AMD1: variants seen among roughly 807,000 people sequenced by gnomAD.
AMD1 encodes S-adenosylmethionine decarboxylase proenzyme.
Under a neutral mutation model 40.2 loss-of-function variants are expected in AMD1, and 11 were observed. The ratio of observed to expected loss-of-function variants is 0.27; its 90% confidence interval spans 0.17 to 0.45. AMD1 has a LOEUF of 0.45. Among genes scored for constraint, AMD1 ranks in the 20% least tolerant of loss-of-function variants. The probability of loss-of-function intolerance (pLI) is 1.00; values close to 1 mark genes in which losing one functional copy is unlikely to be tolerated. For synonymous variants in AMD1, 121 were observed against 130.8 expected, an observed-to-expected ratio of 0.93 and a Z score of 0.51; for missense variants, 257 against 410.2, an observed-to-expected ratio of 0.63 and a Z score of 3.23.
chr6:110,887,420 C>A, intron 1 of AMD1, 85 bp from the exon 2 acceptor site: 2 of 916,664 alleles, frequency 2.2e-6, no homozygotes, highest in East Asian at 5.3e-5. Flanking sequence ...ATGTGGTCTT[C>A]ATGAGAAAAA....
chr6:110,890,645 C>T (rs1177498016), intron 4 of AMD1: 1 of 205,240 alleles, frequency 4.9e-6, no homozygotes, highest in East Asian at 1.1e-4. Flanking sequence ...GCCACCCCAC[C>T]TGGCTAATTT....
chr6:110,847,715 G>GTTTT, the AMD1 span, among the ~76,000 whole-genome samples: 1 of 141,736 alleles, frequency 7.1e-6, no homozygotes. Flanking sequence ...TTTGTTTTTT[G>GTTTT]TTTTTTGTTT....
the AMD1 span, among the ~76,000 whole-genome samples, chr6:110,846,059 G>C: frequency 1.3e-5 from 2 of 152,130 alleles, no homozygotes; most frequent in African/African-American, 2.4e-5. Context: ...GGCCAACATG[G>C]TGAAACCCCG....
chr6:110,861,227 G>A, the AMD1 span, among the ~76,000 whole-genome samples: 2 of 151,758 alleles, frequency 1.3e-5, no homozygotes, highest in South Asian at 2.1e-4. Context: ...GCGTAGTGGC[G>A]GGCGCCTGTA....
intron 1 of AMD1, among the ~76,000 whole-genome samples, chr6:110,887,081 A>T (rs1365570364): frequency 6.6e-6 from 1 of 152,228 alleles, no homozygotes; most frequent in East Asian, 1.9e-4. Context: ...GTGTCCCGAC[A>T]GACAGGCTTT....
At chr6:110,878,809 T>C (rs1379729548) in intron 1 of AMD1, among the ~76,000 whole-genome samples, 1 of 152,226 alleles carries the variant, frequency 6.6e-6, no homozygotes, top group Admixed American at 6.5e-5. Flanking sequence ...TACTGTGCTT[T>C]ACTCAGATTT....
chr6:110,852,357 A>G, the AMD1 span, among the ~76,000 whole-genome samples: 47,312 of 151,082 alleles, frequency 0.31, 8,168 homozygotes, highest in East Asian at 0.67. Context: ...GAGTAGCTAC[A>G]ACTACAGGCA....
Position 110,874,949 on chromosome 6 carries a change from T to TA in AMD1, c.-150dup. 5.0e-6 allele frequency: 3 copies of TA among 598,314 alleles called. No individual in the cohort carries two copies. Among genetic ancestry groups the TA allele is most frequent in the Non-Finnish European group, 8.7e-6 (3 of 346,570 alleles). The allele number at this position is 598,314 out of a possible 1,614,324, so 37.1% of individuals were successfully genotyped here. ...GGGAAAATTTTATTAGTCCTTTTTT[T>TA]AAAAAAAGTTAATATAAAATTATAG... On this transcript the variant is annotated 5_prime_UTR_variant, in exon 1 of 9. Transcript: ENST00000368885.
intron 1 of AMD1, 84 bp from the exon 2 acceptor site, chr6:110,887,418 TTCA>T: frequency 1.1e-6 from 1 of 898,430 alleles, no homozygotes; most frequent in South Asian, 1.8e-5. Context: ...AAATGTGGTC[TTCA>T]TGAGAAAAAG....
At chr6:110,856,997 C>G in the AMD1 span, among the ~76,000 whole-genome samples, 3 of 151,920 alleles carry the variant, frequency 2.0e-5, no homozygotes, top group Admixed American at 6.6e-5. Flanking sequence ...AACCCCATCT[C>G]TACTAAAAAT....
the AMD1 span, among the ~76,000 whole-genome samples, chr6:110,843,843 C>T: frequency 1.3e-5 from 2 of 152,132 alleles, no homozygotes; most frequent in East Asian, 1.9e-4. Flanking sequence ...CTGCCTAGGC[C>T]TCCCAAAGTG....
chr6:110,835,326 C>A, the AMD1 span, among the ~76,000 whole-genome samples: 3 of 151,910 alleles, frequency 2.0e-5, no homozygotes, highest in African/African-American at 7.2e-5. Flanking sequence ...CCTGTGGATA[C>A]TATTATATGA....
chr6:110,876,551 A>G (rs1785126159), intron 1 of AMD1, among the ~76,000 whole-genome samples: 1 of 152,204 alleles, frequency 6.6e-6, no homozygotes, highest in African/African-American at 2.4e-5. Flanking sequence ...GGTTTCTAGC[A>G]GTGTATCTTG....
the AMD1 span, among the ~76,000 whole-genome samples, chr6:110,850,701 A>C: frequency 4.6e-5 from 7 of 152,344 alleles, no homozygotes; most frequent in East Asian, 1.2e-3. Context: ...TGAATTGGGC[A>C]AATTTTACCA....
At chr6:110,879,371 A>G (rs894916349) in intron 1 of AMD1, among the ~76,000 whole-genome samples, 2 of 152,200 alleles carry the variant, frequency 1.3e-5, no homozygotes, top group East Asian at 1.9e-4. Flanking sequence ...AAATATTTCA[A>G]CTGTTGTTTA....
the AMD1 span, among the ~76,000 whole-genome samples, chr6:110,866,248 A>G: frequency 6.6e-6 from 1 of 152,230 alleles, no homozygotes; most frequent in East Asian, 1.9e-4. Context: ...TACAATTTCC[A>G]TAAAATAATG....
chr6:110,872,637 T>C (rs926405137), upstream of AMD1, among the ~76,000 whole-genome samples: 6 of 152,228 alleles, frequency 3.9e-5, no homozygotes. Context: ...ATTATTTCTA[T>C]GATCTGAAGA....
At chr6:110,814,919 G>A in the AMD1 span, 1 of 1,553,666 alleles carries the variant, frequency 6.4e-7, no homozygotes, top group African/African-American at 1.4e-5. Flanking sequence ...CCTCGGGCAC[G>A]GCCCGACTGG....
At chr6:110,856,260 A>G in the AMD1 span, among the ~76,000 whole-genome samples, 1 of 152,010 alleles carries the variant, frequency 6.6e-6, no homozygotes, top group East Asian at 1.9e-4. Context: ...CTTATCTCTG[A>G]TGACTGGATT....
Sources: allele counts gnomAD v4.1 joint callset (sites outside exome capture counted in the v4.1 genomes callset), GRCh38; gene constraint gnomAD v4.1.1; transcripts MANE v1.5; gene names NCBI Gene and HGNC (gene_info 2026-07-23, HGNC 2026-07-21).